Variants in COL5A1 observed in about 807,000 individuals in gnomAD.
COL5A1 encodes the protein collagen type V alpha 1 chain, also known as collagen alpha-1(V) chain.
A neutral mutation model predicts 263.7 loss-of-function variants in COL5A1; 16 were observed. The observed-to-expected ratio is 0.06, with a 90% confidence interval of 0.04 to 0.09. COL5A1 has a LOEUF of 0.09. Among genes scored for constraint, COL5A1 ranks in the 10% least tolerant of loss-of-function variants. The probability of loss-of-function intolerance (pLI) is 1.00; values close to 1 mark genes in which losing one functional copy is unlikely to be tolerated. For synonymous variants in COL5A1, 1,012 were observed against 1,004.5 expected (o/e 1.01, Z -0.14); for missense variants, 2,036 against 2,540.5 (o/e 0.80, Z 4.27).
chr9:134,701,038 C>G, intron 3 of COL5A1, 133 bp from the exon 4 acceptor site: 1 of 892,618 alleles, frequency 1.1e-6, no homozygotes. Flanking sequence ...GAGGCTGGGC[C>G]TTGATCTGCT....
intron 11 of COL5A1, among the ~76,000 whole-genome samples, chr9:134,749,755 T>C (rs951394560): frequency 6.6e-6 from 1 of 152,268 alleles, no homozygotes; most frequent in Non-Finnish European, 1.5e-5. Context: ...CCAGTCTCTA[T>C]GCAAGACAAG....
intron 13 of COL5A1, among the ~76,000 whole-genome samples, chr9:134,751,155 C>T (rs1302893845): frequency 1.3e-5 from 2 of 149,574 alleles, no homozygotes; most frequent in Non-Finnish European, 3.0e-5. Context: ...CAGTAGGGAC[C>T]CCGAGAGCGT....
chr9:134,687,290 G>A (rs1160199373), intron 1 of COL5A1, among the ~76,000 whole-genome samples: 1 of 152,198 alleles, frequency 6.6e-6, no homozygotes, highest in Non-Finnish European at 1.5e-5. Context: ...GCATCCTTAT[G>A]CAAAGGCACC....
chr9:134,769,538 C>G (rs1402595990), intron 25 of COL5A1, among the ~76,000 whole-genome samples: 1 of 152,198 alleles, frequency 6.6e-6, no homozygotes, highest in African/African-American at 2.4e-5. Flanking sequence ...AAATTATAGC[C>G]ACCTTTGATC....
At position 134,842,138 on chromosome 9, in the gene COL5A1, C is replaced by T. The variant is rs1554727355; in HGVS notation, c.5371-19C>T. ...CCAACTGTTCTTAACCACCGGCCAT[C>T]TGTCTCCCTCTTCCCCAGACCAAGA... On this transcript the variant is annotated intron_variant, in intron 65 of 65. Coordinates refer to ENST00000371817, the MANE Select transcript of COL5A1 (RefSeq NM_000093.5). This position sits in a 1 kb window ranked among gnomAD's most constrained non-coding sequence, Gnocchi z 5.8. The T allele has an allele frequency of 1.2e-6, 2 of 1,614,146 alleles. No homozygotes were observed. The highest frequency in any genetic ancestry group is 8.5e-7 in the Non-Finnish European group (1 of 1,180,010).
Position 134,808,903 on chromosome 9 carries a change from T to G in COL5A1, c.3367-280T>G, listed in dbSNP as rs11103534. 93,358 of 520,252 alleles carry G rather than the reference T, an allele frequency of 0.18. 10,997 individuals are homozygous for G. Among genetic ancestry groups the G allele is most frequent in the African/African-American group, 0.44 (22,908 of 52,142 alleles). The allele number at this position is 520,252 out of a possible 1,614,324, so 32.2% of individuals were successfully genotyped here. A position where few individuals can be genotyped will look rare whatever the true frequency, so the allele number is the denominator to read the frequency against. ...GGCTGGATTTGGATCCTGTCTCTACTGCTCACTAACTGTGCCTCAGTTTCC... is the reference window on the plus strand; with the variant it reads ...GGCTGGATTTGGATCCTGTCTCTACGGCTCACTAACTGTGCCTCAGTTTCC... On this transcript the variant is annotated intron_variant, in intron 42 of 65. Transcript: ENST00000371817.
In COL5A1 at chr9:134,765,710, G is replaced by T. The variant is rs1836637086; in HGVS notation, c.2064G>T (p.Gly688=). The T allele has an allele frequency of 6.2e-7, 1 of 1,613,312 alleles. No homozygotes were observed. Among genetic ancestry groups the T allele is most frequent in the African/African-American group, 1.3e-5 (1 of 74,906 alleles). The stretch of plus-strand genomic sequence containing the variant: ...CACGTGGTCTGCTTGGGCCGAAGGG[G>T]CCCCCAGGTCCTCCCGGACCTCCCG... ...PGPRGLLGPK[G]PPGPPGPPGV... Residue 688 remains glycine, a synonymous_variant, in exon 21 of 66, where the codon GGG becomes GGT. Coordinates refer to ENST00000371817, the MANE Select transcript of COL5A1 (RefSeq NM_000093.5). The surrounding 1 kb of genome is among the most constrained non-coding windows in gnomAD (Gnocchi z 5.1).
Position 134,765,832 on chromosome 9 carries a change from G to A in COL5A1, c.2088+98G>A, listed in dbSNP as rs539868704. The A allele has an allele frequency of 5.5e-5, 56 of 1,015,432 alleles. No homozygotes were observed. Among genetic ancestry groups the A allele is most frequent in the East Asian group, 4.3e-4 (18 of 41,484 alleles). The allele number at this position is 1,015,432 out of a possible 1,614,324, so 62.9% of individuals were successfully genotyped here. A position where few individuals can be genotyped will look rare whatever the true frequency, so the allele number is the denominator to read the frequency against. On this transcript the variant is annotated intron_variant, in intron 21 of 65. Coordinates refer to ENST00000371817, the MANE Select transcript of COL5A1 (RefSeq NM_000093.5). This position sits in a 1 kb window ranked among gnomAD's most constrained non-coding sequence, Gnocchi z 5.1. ...GCTTGGGCACTGGGGCAGCAAGTCC[G>A]TGCTGGCCCCTCTGGCGCCTGCCTG...
At chr9:134,825,116 G>C (rs568609885) in intron 62 of COL5A1, among the ~76,000 whole-genome samples, 21 of 152,326 alleles carry the variant, frequency 1.4e-4, no homozygotes, top group African/African-American at 4.1e-4. Flanking sequence ...GGCATTTTCT[G>C]GCGGGGTGAC....
chr9:134,688,903 C>T (rs1833171926), intron 1 of COL5A1, among the ~76,000 whole-genome samples: 2 of 152,106 alleles, frequency 1.3e-5, no homozygotes, highest in South Asian at 4.1e-4. Flanking sequence ...AATGCGGCTT[C>T]GATTTCCCTC....
chr9:134,734,534 T>A (rs3128609), intron 9 of COL5A1, among the ~76,000 whole-genome samples: 1 of 152,228 alleles, frequency 6.6e-6, no homozygotes, highest in Non-Finnish European at 1.5e-5. Context: ...CGTCCCGGCC[T>A]GTGGAAGGGG....
At chr9:134,767,382 C>A (rs780123562) in intron 24 of COL5A1, 28 bp downstream of exon 24, 2 of 1,609,278 alleles carry the variant, frequency 1.2e-6, no homozygotes, top group Non-Finnish European at 1.7e-6. Context: ...GTGTTGCAGG[C>A]CACTGCCCGC....
At chr9:134,831,126 G>T (rs1839602411) in intron 64 of COL5A1, among the ~76,000 whole-genome samples, 1 of 152,178 alleles carries the variant, frequency 6.6e-6, no homozygotes, top group African/African-American at 2.4e-5. Context: ...CACTTGCCAT[G>T]GGTTGCTGCA....
rs146544370 is a variant in COL5A1, at chr9:134,789,747, G to T, written c.2700+539G>T. On this transcript the variant is annotated intron_variant, in intron 32 of 65. Transcript: ENST00000371817. This position sits in a 1 kb window ranked among gnomAD's most constrained non-coding sequence, Gnocchi z 4.8. ...CCTCACCCTCAGCGAAGGAACAGGG[G>T]GCCGGGCTGAGGGAGCTGTGTTCTC... Among the ~76,000 whole-genome samples the T allele has an allele frequency of 3.8e-3, 577 of 152,318 alleles. 5 individuals carry two copies. The highest frequency in any genetic ancestry group is 0.013 in the African/African-American group (539 of 41,570).
intron 14 of COL5A1, 85 bp from the exon 15 acceptor site, chr9:134,753,765 T>TCCCCCCCCCCTCCCCCCCCC: frequency 2.1e-6 from 1 of 485,440 alleles, no homozygotes. Context: ...CCCCTCCCCC[T>TCCCCCCCCCCTCCCCCCCCC]GCCCCTCCCC....
At chr9:134,770,668 A>G (rs1240637511) in intron 25 of COL5A1, among the ~76,000 whole-genome samples, 1 of 152,246 alleles carries the variant, frequency 6.6e-6, no homozygotes, top group Admixed American at 6.5e-5. Context: ...CCAGTTGCCT[A>G]ATTGTCTATG....
chr9:134,695,252 C>T (rs889199560), intron 2 of COL5A1, among the ~76,000 whole-genome samples: 4 of 152,224 alleles, frequency 2.6e-5, no homozygotes, highest in Non-Finnish European at 5.9e-5. Flanking sequence ...TGCCCACACC[C>T]CCCTGCCCCT....
At chr9:134,784,475 A>T (rs1397434319) in intron 29 of COL5A1, among the ~76,000 whole-genome samples, 1 of 152,176 alleles carries the variant, frequency 6.6e-6, no homozygotes, top group Non-Finnish European at 1.5e-5. Context: ...GACGAGGCGG[A>T]ATTTAAGCCC....
At chr9:134,763,779 G>T in intron 20 of COL5A1, 42 bp downstream of exon 20, 1 of 1,595,714 alleles carries the variant, frequency 6.3e-7, no homozygotes, top group South Asian at 1.1e-5. Context: ...GCTCAGTGTG[G>T]AGAAAGGCTT....
Sources: allele counts gnomAD v4.1 joint callset (sites outside exome capture counted in the v4.1 genomes callset), GRCh38; gene constraint gnomAD v4.1.1; non-coding constraint Gnocchi (gnomAD v3.1); transcripts MANE v1.5; gene names NCBI Gene and HGNC (gene_info 2026-07-23, HGNC 2026-07-21).